The following PCDHGA6 variants were observed in gnomAD, a reference collection of about 807,000 sequenced individuals.
PCDHGA6 encodes protocadherin gamma subfamily A, 6, also known as protocadherin gamma-A6.
Under a neutral mutation model 60.6 loss-of-function variants are expected in PCDHGA6, and 41 were observed. That is an observed-to-expected ratio of 0.68 (90% CI 0.53 to 0.88). The LOEUF is 0.88. PCDHGA6 is among the 40% of genes least tolerant of loss of function. The pLI is 0.00. For synonymous variants in PCDHGA6, 594 were observed against 524.4 expected (o/e 1.13, Z -1.81); for missense variants, 1,312 against 1,203.0 (o/e 1.09, Z -1.34).
intron 1 of PCDHGA6, chr5:141,387,654 G>A: frequency 1.6e-6 from 1 of 644,700 alleles, no homozygotes. Context: ...AAAGTGGAGA[G>A]CTTGGCGCTC....
Position 141,490,835 on chromosome 5 carries a change from T to C in PCDHGA6, c.2425-3972T>C, listed in dbSNP as rs1284804400. 4 of 1,613,728 alleles carry C rather than the reference T, an allele frequency of 2.5e-6. No individual in the cohort carries two copies. The highest frequency in any genetic ancestry group is 1.1e-5 in the South Asian group (1 of 91,076). On this transcript the variant is annotated intron_variant, in intron 1 of 3. Transcript: ENST00000517434. This position sits in a 1 kb window ranked among gnomAD's most constrained non-coding sequence, Gnocchi z 5.4. ...TATGAATTGCTGCAGATGCTGCAGATTGTGGTGGGGGTTCGAGACTCCGGC... is the reference window on the plus strand; with the variant it reads ...TATGAATTGCTGCAGATGCTGCAGACTGTGGTGGGGGTTCGAGACTCCGGC...
intron 1 of PCDHGA6, chr5:141,415,006 C>A (rs1353721901): frequency 6.2e-7 from 1 of 1,613,652 alleles, no homozygotes; most frequent in Non-Finnish European, 8.5e-7. Context: ...GCTGTCCTAC[C>A]GTCTGCTCAA....
chr5:141,431,991 A>T lies in PCDHGA6; in HGVS notation c.2424+55484A>T, dbSNP rs1046547219. On this transcript the variant is annotated intron_variant, in intron 1 of 3. Transcript: ENST00000517434. The surrounding 1 kb of genome is among the most constrained non-coding windows in gnomAD (Gnocchi z 4.8). ...AGTTTAGTCACAGACATAGTCTTGG[A>T]TAGGGAACAGGTTCCTAGCTACAAC... is the stretch of plus-strand genomic sequence containing the variant. 5 of 1,614,100 alleles carry T rather than the reference A, an allele frequency of 3.1e-6. No individual in the cohort carries two copies. Among genetic ancestry groups the T allele is most frequent in the Non-Finnish European group, 3.4e-6 (4 of 1,180,050 alleles).
In PCDHGA6 at chr5:141,485,115, G is replaced by T. The variant is rs1043877839; in HGVS notation, c.2425-9692G>T. On this transcript the variant is annotated intron_variant, in intron 1 of 3. Transcript: ENST00000517434. This position sits in a 1 kb window ranked among gnomAD's most constrained non-coding sequence, Gnocchi z 5.7. ...GTGTCTCCAGCTGCTGTGGCTGTTT[G>T]GGGCGGGTCGGCTTCATCCGCGTCT... The T allele has an allele frequency of 3.8e-6, 5 of 1,300,464 alleles. No homozygotes were observed. The African/African-American group carries it at 5.8e-5, about 15-fold the overall frequency. The allele number at this position is 1,300,464 out of a possible 1,614,324, so 80.6% of individuals were successfully genotyped here.
intron 1 of PCDHGA6, 138 bp downstream of exon 1, chr5:141,376,645 T>C: frequency 9.9e-7 from 1 of 1,010,330 alleles, no homozygotes; most frequent in South Asian, 1.7e-5. Flanking sequence ...TTTTGTAAAG[T>C]GGAAGACTCC....
chr5:141,438,998 C>A (rs932958148), intron 1 of PCDHGA6, among the ~76,000 whole-genome samples: 7 of 151,836 alleles, frequency 4.6e-5, no homozygotes, highest in Non-Finnish European at 1.0e-4. Flanking sequence ...GGCTAAGGAC[C>A]TGGTTTGTTT....
intron 1 of PCDHGA6, chr5:141,403,395 C>T (rs758295115): frequency 3.7e-6 from 6 of 1,614,084 alleles, no homozygotes; most frequent in Admixed American, 3.3e-5. Context: ...ATCGCGGTTC[C>T]TGGAGCACGT....
intron 1 of PCDHGA6, among the ~76,000 whole-genome samples, chr5:141,461,739 C>T (rs1048636018): frequency 3.9e-5 from 6 of 152,134 alleles, no homozygotes; most frequent in Non-Finnish European, 7.4e-5. Context: ...GGCACAATCC[C>T]GGCTCCCAGA....
chr5:141,401,171 G>T (rs1222326375), intron 1 of PCDHGA6, among the ~76,000 whole-genome samples: 1 of 152,054 alleles, frequency 6.6e-6, no homozygotes, highest in African/African-American at 2.4e-5. Flanking sequence ...GTGAAAACCC[G>T]TCTCTACTAA....
intron 1 of PCDHGA6, chr5:141,414,597 C>G: frequency 6.2e-7 from 1 of 1,613,972 alleles, no homozygotes; most frequent in South Asian, 1.1e-5. Context: ...GGGGTGCCTC[C>G]ATCTTCTCAG....
Position 141,374,951 on chromosome 5 carries a change from C to T in PCDHGA6, c.868C>T (p.Gln290Ter), listed in dbSNP as rs780549456. The T allele has an allele frequency of 1.2e-6, 2 of 1,614,018 alleles. No individual in the cohort carries two copies. The highest frequency in any genetic ancestry group is 1.7e-6 in the Non-Finnish European group (2 of 1,179,904). Residue 290 changes from glutamine to a stop codon, truncating the protein, a stop_gained, in exon 1 of 4, where the codon CAA (glutamine) becomes TAA (stop). Coordinates refer to ENST00000517434, the MANE Select transcript of PCDHGA6 (RefSeq NM_018919.3). LOFTEE classifies it high-confidence loss of function. ...TGTGAAGATTACAGAAAAGATCTCA[C>T]AAATTTTCTGTTTGAATGTTTTGAC... ...SFVKITEKIS[Q>*]IFCLNVLTGE...
chr5:141,374,744 G>A lies in PCDHGA6; in HGVS notation c.661G>A (p.Val221Ile). 1.2e-6 allele frequency: 2 copies of A among 1,611,982 alleles called. No homozygotes were observed. The highest frequency in any genetic ancestry group is 2.2e-5 in the East Asian group (1 of 44,824). ...VLTAMDGGDPVRSSVAQILVT... is the reference protein window; with the variant it reads ...VLTAMDGGDPIRSSVAQILVT... ...TACTGCCATGGATGGCGGCGACCCTGTCCGCTCAAGCGTCGCCCAAATTCT... is the reference window on the plus strand; with the variant it reads ...TACTGCCATGGATGGCGGCGACCCTATCCGCTCAAGCGTCGCCCAAATTCT... The change falls in exon 1 of 4, where the codon GTC becomes ATC. Residue 221 changes from valine (V) to isoleucine (I), a missense_variant. Physicochemically the swap from Val to Ile is conservative, Grantham distance 29. Transcript: ENST00000517434.
chr5:141,389,658 G>T (rs750579245), intron 1 of PCDHGA6: 17 of 1,612,424 alleles, frequency 1.1e-5, no homozygotes, highest in Non-Finnish European at 8.5e-7. Flanking sequence ...GGTAGTGGCG[G>T]TGGACGCAGA....
chr5:141,421,019 C>T, intron 1 of PCDHGA6: 1 of 516,402 alleles, frequency 1.9e-6, no homozygotes, highest in Non-Finnish European at 3.4e-6. Flanking sequence ...TGGGAAGCTG[C>T]GCGCCATTGA....
intron 1 of PCDHGA6, chr5:141,423,627 C>T (rs925883716): frequency 6.2e-7 from 1 of 1,604,886 alleles, no homozygotes; most frequent in African/African-American, 1.3e-5. Context: ...ACTCAGCTAT[C>T]ATTTTAGGCA....
intron 3 of PCDHGA6, among the ~76,000 whole-genome samples, chr5:141,507,856 A>T (rs1200072170): frequency 1.3e-5 from 2 of 151,926 alleles, no homozygotes; most frequent in Non-Finnish European, 2.9e-5. Flanking sequence ...TCTCACTTTC[A>T]CACCCGCTTC....
At chr5:141,440,593 T>C (rs1456640262) in intron 1 of PCDHGA6, 1 of 152,202 alleles carries the variant, frequency 6.6e-6, no homozygotes, top group African/African-American at 2.4e-5. Context: ...TGGAACAAGA[T>C]TTGCAACAGA....
chr5:141,449,693 G>A (rs2098652097), intron 1 of PCDHGA6, among the ~76,000 whole-genome samples: 1 of 150,164 alleles, frequency 6.7e-6, no homozygotes, highest in South Asian at 2.1e-4. Flanking sequence ...TTGTGTGTAT[G>A]TACACAAACA....
At chr5:141,465,337 G>GCC (rs2099101328) in intron 1 of PCDHGA6, among the ~76,000 whole-genome samples, 6 of 151,962 alleles carry the variant, frequency 3.9e-5, no homozygotes, top group Admixed American at 2.6e-4. Flanking sequence ...TTTTTATATT[G>GCC]GTTACTGAAG....
Sources: allele counts gnomAD v4.1 joint callset (sites outside exome capture counted in the v4.1 genomes callset), GRCh38; gene constraint gnomAD v4.1.1; non-coding constraint Gnocchi (gnomAD v3.1); transcripts MANE v1.5; gene names NCBI Gene and HGNC (gene_info 2026-07-23, HGNC 2026-07-21).